The following RNF126 variants were observed in gnomAD, a reference collection of about 807,000 sequenced individuals.
RNF126 encodes the protein E3 ubiquitin-protein ligase RNF126.
RNF126 carries 20 observed loss-of-function variants against 41.9 expected under a neutral mutation model. That is an observed-to-expected ratio of 0.48 (90% CI 0.34 to 0.69). RNF126 has a LOEUF of 0.69. RNF126 is among the 30% of genes least tolerant of loss of function. The pLI is 0.01. For synonymous variants in RNF126, 239 were observed against 202.9 expected, an observed-to-expected ratio of 1.18 and a Z score of -1.51; for missense variants, 433 against 460.6, an observed-to-expected ratio of 0.94 and a Z score of 0.55.
intron 1 of RNF126, among the ~76,000 whole-genome samples, chr19:653,875 C>T (rs2030441851): frequency 6.6e-6 from 1 of 152,252 alleles, no homozygotes. Context: ...GTCCCAAGAC[C>T]ACCCCCAGGT....
chr19:658,524 C>G (rs539180652), intron 1 of RNF126, among the ~76,000 whole-genome samples: 1 of 152,124 alleles, frequency 6.6e-6, no homozygotes, highest in African/African-American at 2.4e-5. Context: ...AAAGGGTGCC[C>G]AAAGCTTCCC....
chr19:661,657 C>T (rs2030807788), intron 1 of RNF126, among the ~76,000 whole-genome samples: 1 of 152,212 alleles, frequency 6.6e-6, no homozygotes, highest in African/African-American at 2.4e-5. Flanking sequence ...GACCCAGAGA[C>T]AGGCGGCTTC....
rs1005838039 is a variant in RNF126 at position 652,967 on chromosome 19, C to T, written c.76-83G>A. On this transcript the variant is annotated intron_variant, in intron 1 of 8. Coordinates refer to ENST00000292363, the MANE Select transcript of RNF126 (RefSeq NM_194460.3). ...CCCAAGTGTGAGGACAGAGGGGCTC[C>T]GGACCCAGCGGTCTCTGGCTGGCCA... 27 of 1,292,184 alleles carry T rather than the reference C, an allele frequency of 2.1e-5. No homozygotes were observed. The Admixed American group carries it at 2.3e-4, about 11-fold the overall frequency. The allele number at this position is 1,292,184 out of a possible 1,614,324, so 80.0% of individuals were successfully genotyped here.
chr19:653,993 TTCAG>T (rs1449263734), intron 1 of RNF126, among the ~76,000 whole-genome samples: 2 of 151,846 alleles, frequency 1.3e-5, no homozygotes, highest in African/African-American at 4.8e-5. Context: ...ACCGGGGCTG[TTCAG>T]TCTTCGCAGG....
In RNF126 at chr19:663,127, C is replaced by T; in HGVS notation, c.-6G>A. The T allele has an allele frequency of 7.9e-7, 1 of 1,267,498 alleles. No individual in the cohort carries two copies. The highest frequency in any genetic ancestry group is 1.0e-6 in the Non-Finnish European group (1 of 1,000,470). The allele number at this position is 1,267,498 out of a possible 1,614,324, so 78.5% of individuals were successfully genotyped here. On this transcript the variant is annotated 5_prime_UTR_variant, in exon 1 of 9. Coordinates refer to ENST00000292363, the MANE Select transcript of RNF126 (RefSeq NM_194460.3). ...TGCGGCGACGCCTCGGCCATGGCCG[C>T]CGCCACCTACTCCGCGCCGCCCGCC...
At chr19:662,603 G>C (rs1465604764) in intron 1 of RNF126, among the ~76,000 whole-genome samples, 1 of 152,120 alleles carries the variant, frequency 6.6e-6, no homozygotes. Flanking sequence ...CGTTATTCTC[G>C]GGGTCCGAGC....
In RNF126 at chr19:652,869, T is replaced by C. The variant is rs2030387397; in HGVS notation, c.91A>G (p.Arg31Gly). Residue 31 changes from arginine (R) to glycine (G), a missense_variant, in exon 2 of 9, where the codon AGA (arginine) becomes GGA (glycine). Arg to Gly is a moderately radical substitution (Grantham distance 125, BLOSUM62 -2). Around this residue, in one of 5 missense-constraint regions of RNF126, gnomAD observed 247 missense variants for 224.7 expected, o/e 1.10. Coordinates refer to ENST00000292363, the MANE Select transcript of RNF126 (RefSeq NM_194460.3). ...VPRLPDYICP[R>G]CESGFIEELP... The stretch of plus-strand genomic sequence containing the variant: ...TCCTCGATAAAACCAGACTCGCATC[T>C]TGGACAGATATAATCCTGCAGGAGA... 6.2e-7 allele frequency: 1 copy of C among 1,612,936 alleles called. No homozygotes were observed. The highest frequency in any genetic ancestry group is 8.5e-7 in the Non-Finnish European group (1 of 1,179,710).
At chr19:649,772 A>G in intron 5 of RNF126, 24 bp from the exon 6 acceptor site, 1 of 1,549,838 alleles carries the variant, frequency 6.5e-7, no homozygotes, top group African/African-American at 1.4e-5. Flanking sequence ...GTGGGGTTCA[A>G]GTGGCTGACG....
rs964491641 is a variant in RNF126, at chr19:649,225, G to GGC, written c.577-251_577-250insGC. On this transcript the variant is annotated intron_variant, in intron 6 of 8. Transcript: ENST00000292363. ...CTGGGTCCCTGACAGCGGAATGGGG[G>GGC]GGGGGGCCGCGCTCCTGAGTGCCCT... 7 of 258,118 alleles carry GGC rather than the reference G, an allele frequency of 2.7e-5. 2 individuals carry two copies. In the Admixed American group the frequency reaches 3.3e-4, roughly 12 times the overall value. The allele number at this position is 258,118 out of a possible 1,614,324, so 16.0% of individuals were successfully genotyped here.
intron 1 of RNF126, among the ~76,000 whole-genome samples, chr19:661,583 C>A (rs1456665854): frequency 6.6e-6 from 1 of 152,130 alleles, no homozygotes; most frequent in Non-Finnish European, 1.5e-5. Flanking sequence ...CTCTCTCTTT[C>A]CACTCCTGGG....
intron 4 of RNF126, among the ~76,000 whole-genome samples, chr19:650,927 C>A (rs187261285): frequency 6.6e-6 from 1 of 152,064 alleles, no homozygotes; most frequent in Non-Finnish European, 1.5e-5. Context: ...TGGGGCCTCC[C>A]TACATTGCTC....
At chr19:650,384 G>A (rs1215568843) in intron 4 of RNF126, 88 bp from the exon 5 acceptor site, 13 of 1,130,372 alleles carry the variant, frequency 1.2e-5, no homozygotes, top group East Asian at 2.6e-5. Flanking sequence ...GAGCACCAAG[G>A]GCAGGGCCAG....
Position 659,084 on chromosome 19 carries a change from C to A in RNF126, c.75+3963G>T, listed in dbSNP as rs566742801. ...TGCAGGGAGCCCGTTCCGGAGAACC[C>A]AGCTGTGCAGAGCCGCTCCAGGGTG... On this transcript the variant is annotated intron_variant, in intron 1 of 8. Coordinates refer to ENST00000292363, the MANE Select transcript of RNF126 (RefSeq NM_194460.3). This position sits in a 1 kb window ranked among gnomAD's most constrained non-coding sequence, Gnocchi z 4.9. Among the ~76,000 whole-genome samples, 118 of 152,320 alleles carry A rather than the reference C, an allele frequency of 7.7e-4. 1 individual carries two copies. Among genetic ancestry groups the A allele is most frequent in the African/African-American group, 2.7e-3 (114 of 41,566 alleles).
intron 4 of RNF126, among the ~76,000 whole-genome samples, chr19:651,058 C>T (rs2030251698): frequency 6.6e-6 from 1 of 152,202 alleles, no homozygotes; most frequent in Non-Finnish European, 1.5e-5. Context: ...ATGACATTTC[C>T]AGCAGGTGAG....
At position 648,367 on chromosome 19, in the gene RNF126, C is replaced by G; in HGVS notation, c.786+5G>C. The stretch of plus-strand genomic sequence containing the variant: ...GGTGGGGGGGCGGGTGGGCGGGGCA[C>G]TCACCTGCTCCAGCCAGGGCACGAT... On this transcript the variant is annotated splice_donor_5th_base_variant and intron_variant, in intron 8 of 8. Transcript: ENST00000292363. 1 of 1,534,628 alleles carries G rather than the reference C, an allele frequency of 6.5e-7. No individual in the cohort carries two copies. The highest frequency in any genetic ancestry group is 8.7e-7 in the Non-Finnish European group (1 of 1,145,118).
chr19:648,364 G>GGGGGGGC lies in RNF126; in HGVS notation c.786+7_786+8insGCCCCCC. 3.9e-6 allele frequency: 2 copies of GGGGGGGC among 510,490 alleles called. No individual in the cohort carries two copies. The highest frequency in any genetic ancestry group is 3.6e-6 in the Non-Finnish European group (1 of 278,360). 31.6% of individuals were successfully genotyped at this position (510,490 alleles called of 1,614,324 possible). A position where few individuals can be genotyped will look rare whatever the true frequency, so the allele number is the denominator to read the frequency against. ...CGGGGTGGGGGGGCGGGTGGGCGGG[G>GGGGGGGC]CACTCACCTGCTCCAGCCAGGGCAC... On this transcript the variant is annotated splice_region_variant and intron_variant, in intron 8 of 8. Transcript: ENST00000292363.
intron 1 of RNF126, among the ~76,000 whole-genome samples, chr19:660,857 T>A (rs2030770950): frequency 2.6e-5 from 4 of 152,218 alleles, no homozygotes; most frequent in Admixed American, 6.5e-5. Context: ...GTTCTGACAC[T>A]GCCATGCTGT....
chr19:653,412 AGAG>A (rs1378212824), intron 1 of RNF126, among the ~76,000 whole-genome samples: 1 of 152,236 alleles, frequency 6.6e-6, no homozygotes, highest in Non-Finnish European at 1.5e-5. Context: ...GTGATGTCCC[AGAG>A]GAGACGTGAG....
chr19:656,496 A>G (rs2030566842), intron 1 of RNF126, among the ~76,000 whole-genome samples: 1 of 152,088 alleles, frequency 6.6e-6, no homozygotes, highest in Admixed American at 6.5e-5. Context: ...TAAAAATACA[A>G]AAATTAGCTG....
Sources: allele counts gnomAD v4.1 joint callset (sites outside exome capture counted in the v4.1 genomes callset), GRCh38; gene constraint gnomAD v4.1.1; regional missense constraint gnomAD v4.1.1; non-coding constraint Gnocchi (gnomAD v3.1); transcripts MANE v1.5; gene names NCBI Gene and HGNC (gene_info 2026-07-23, HGNC 2026-07-21).